HNRNPL: variants seen among roughly 807,000 people sequenced by gnomAD.
The protein encoded by HNRNPL is heterogeneous nuclear ribonucleoprotein L.
In HNRNPL, 12 loss-of-function variants were observed where a neutral mutation model predicts 64.0. That is an observed-to-expected ratio of 0.19 (90% CI 0.12 to 0.30). The LOEUF is 0.30. Among genes scored for constraint, HNRNPL ranks in the 10% least tolerant of loss-of-function variants. The pLI, the probability that HNRNPL is intolerant of heterozygous loss-of-function variation, is 1.00. For synonymous variants in HNRNPL, 385 were observed against 313.0 expected (o/e 1.23, Z -2.43); for missense variants, 484 against 797.4 (o/e 0.61, Z 4.73).
At position 38,837,727 on chromosome 19, in the gene HNRNPL, T is replaced by C. The variant is rs1211079076; in HGVS notation, c.1558-76A>G. ...CACAGGATTCAAGCAGACCAGGCCCTGCATGACTCAGTACTTGAAGTTTTC... is the reference window on the plus strand; with the variant it reads ...CACAGGATTCAAGCAGACCAGGCCCCGCATGACTCAGTACTTGAAGTTTTC... On this transcript the variant is annotated intron_variant, in intron 10 of 12. Transcript: ENST00000221419. 5 of 1,285,966 alleles carry C rather than the reference T, an allele frequency of 3.9e-6. No individual in the cohort carries two copies. The African/African-American group carries it at 7.3e-5, about 19-fold the overall frequency. The allele number at this position is 1,285,966 out of a possible 1,614,324, so 79.7% of individuals were successfully genotyped here.
At chr19:38,843,796 G>A (rs752468189) in intron 6 of HNRNPL, 46 bp downstream of exon 6, 3 of 1,515,576 alleles carry the variant, frequency 2.0e-6, no homozygotes, top group East Asian at 2.2e-5. Flanking sequence ...CTAGTCGAGT[G>A]AAAGCAAGGC....
chr19:38,849,896 T>G lies in HNRNPL; in HGVS notation c.71A>C (p.Glu24Ala). The G allele has an allele frequency of 7.9e-7, 1 of 1,259,580 alleles. No individual in the cohort carries two copies. The allele number at this position is 1,259,580 out of a possible 1,614,324, so 78.0% of individuals were successfully genotyped here. A position where few individuals can be genotyped will look rare whatever the true frequency, so the allele number is the denominator to read the frequency against. The change falls in exon 1 of 13, where the codon GAG (glutamate) becomes GCG (alanine). Residue 24 changes from glutamate to alanine, a missense_variant. By Grantham distance (107) the Glu-to-Ala change is moderately radical. This residue lies in a region of HNRNPL where 190 missense variants were observed against 160.1 expected (regional missense o/e 1.19). Transcript: ENST00000221419. Reference sequence around the variant, plus strand: ...CATCGCTCCCGACCGCCTCCGCTGCTCGTCCGGCTGCTGCCTCTGCTCCAG... The same window carrying G: ...CATCGCTCCCGACCGCCTCCGCTGCGCGTCCGGCTGCTGCCTCTGCTCCAG... Reference protein sequence around the residue: ...RRLEQRQQPDEQRRRSGAMVK... With the variant: ...RRLEQRQQPDAQRRRSGAMVK...
intron 4 of HNRNPL, 96 bp from the exon 5 acceptor site, chr19:38,844,200 C>T (rs1972209067): frequency 7.7e-6 from 6 of 781,424 alleles, no homozygotes; most frequent in Non-Finnish European, 1.3e-5. Flanking sequence ...CACCCCAAGA[C>T]TGTGGTACAG....
At chr19:38,851,538 A>G (rs897903012), upstream of HNRNPL, among the ~76,000 whole-genome samples, 9 of 152,198 alleles carry the variant, frequency 5.9e-5, no homozygotes, top group Admixed American at 5.9e-4. Flanking sequence ...GGACGCCCCA[A>G]AAGTGCTCCA....
intron 9 of HNRNPL, 32 bp from the exon 10 acceptor site, chr19:38,838,630 A>C: frequency 6.3e-7 from 1 of 1,599,342 alleles, no homozygotes; most frequent in Non-Finnish European, 8.6e-7. Context: ...AGCCTTTGTC[A>C]TACCCAAAGT....
At position 38,837,391 on chromosome 19, in the gene HNRNPL, T is replaced by C. The variant is rs952475137; in HGVS notation, c.1704A>G (p.Lys568=). The change falls in exon 12 of 13, where the codon AAA becomes AAG. Residue 568 remains lysine (K), a synonymous_variant. Coordinates refer to ENST00000221419, the MANE Select transcript of HNRNPL (RefSeq NM_001533.3). ...GGACACACAGATACTCACTTGGGTT[T>C]TTCATCTGGTAATGGTTCAGGAAGC... ...TLGFLNHYQM[K]NPNGPYPYTL... 1.3e-5 allele frequency: 21 copies of C among 1,613,654 alleles called. No homozygotes were observed. The highest frequency in any genetic ancestry group is 6.7e-5 in the African/African-American group (5 of 74,934).
chr19:38,847,439 G>A lies in HNRNPL; in HGVS notation c.268-5C>T, dbSNP rs1600068008. ...GTGCGGGTCATCGTAGTTCTCCTGA[G>A]AAAGGAAGCAAAAACAAGAATTATT... On this transcript the variant is annotated splice_polypyrimidine_tract_variant and splice_region_variant and intron_variant, in intron 1 of 12. Coordinates refer to ENST00000221419, the MANE Select transcript of HNRNPL (RefSeq NM_001533.3). The A allele has an allele frequency of 6.8e-7, 1 of 1,480,614 alleles. No homozygotes were observed. Among genetic ancestry groups the A allele is most frequent in the East Asian group, 2.5e-5 (1 of 39,866 alleles). 91.7% of individuals were successfully genotyped at this position (1,480,614 alleles called of 1,614,324 possible).
At position 38,839,026 on chromosome 19, in the gene HNRNPL, G is replaced by A. The variant is rs1972021975; in HGVS notation, c.1234-11C>T. 6.2e-7 allele frequency: 1 copy of A among 1,613,878 alleles called. No individual in the cohort carries two copies. ...TTTCATGAATTTCACCTTGGGGAGA[G>A]TAGCTGCAGTCAGCACCTCTGTCCA... On this transcript the variant is annotated splice_polypyrimidine_tract_variant and intron_variant, in intron 8 of 12. Coordinates refer to ENST00000221419, the MANE Select transcript of HNRNPL (RefSeq NM_001533.3).
rs910181996 is a variant in HNRNPL, at chr19:38,838,793, T to A, written c.1355+101A>T. ...ACACCTGCCACATCCCATTTCTGTG[T>A]GAGTCAACACCTCGGCCTCACTGTG... On this transcript the variant is annotated intron_variant, in intron 9 of 12. Coordinates refer to ENST00000221419, the MANE Select transcript of HNRNPL (RefSeq NM_001533.3). 4.0e-6 allele frequency: 6 copies of A among 1,503,278 alleles called. No individual in the cohort carries two copies. The African/African-American group carries it at 6.9e-5, about 17-fold the overall frequency. The allele number at this position is 1,503,278 out of a possible 1,614,324, so 93.1% of individuals were successfully genotyped here.
upstream of HNRNPL, among the ~76,000 whole-genome samples, chr19:38,850,906 T>A (rs1483191683): frequency 6.6e-6 from 1 of 152,208 alleles, no homozygotes; most frequent in Non-Finnish European, 1.5e-5. Flanking sequence ...GCACTCTCCA[T>A]GTGTGCCCAT....
intron 1 of HNRNPL, 103 bp downstream of exon 1, chr19:38,849,597 T>G: frequency 1.0e-5 from 13 of 1,272,274 alleles, no homozygotes; most frequent in Non-Finnish European, 1.3e-5. Flanking sequence ...CGCGATGGCC[T>G]GGGCGCGTGC....
At chr19:38,850,939 G>C (rs1972488738), upstream of HNRNPL, 1 of 152,246 alleles carries the variant, frequency 6.6e-6, no homozygotes, top group Admixed American at 6.5e-5. Flanking sequence ...ACCTGCAATA[G>C]TCCACTACCC....
At chr19:38,844,771 G>C (rs1448555994) in intron 4 of HNRNPL, 3 of 151,276 alleles carry the variant, frequency 2.0e-5, no homozygotes, top group African/African-American at 7.3e-5. Context: ...GAATACAGTG[G>C]CACAGTCTCG....
chr19:38,839,986 T>C, intron 8 of HNRNPL, 110 bp downstream of exon 8: 1 of 990,424 alleles, frequency 1.0e-6, no homozygotes, highest in Non-Finnish European at 1.6e-6. Context: ...AGTCACTCAT[T>C]GGCGTCTGCC....
At chr19:38,846,196 C>A (rs534556108) in intron 2 of HNRNPL, 106 bp from the exon 3 acceptor site, 3 of 842,580 alleles carry the variant, frequency 3.6e-6, no homozygotes, top group African/African-American at 3.3e-5. Context: ...CTGAACTCCT[C>A]TGCAACCCTA....
Position 38,849,889 on chromosome 19 carries a change from C to T in HNRNPL, c.78G>A (p.Arg26=), listed in dbSNP as rs540766998. 12 of 1,251,614 alleles carry T rather than the reference C, an allele frequency of 9.6e-6. No individual in the cohort carries two copies. Among genetic ancestry groups the T allele is most frequent in the East Asian group, 8.0e-5 (3 of 37,524 alleles). The allele number at this position is 1,251,614 out of a possible 1,614,324, so 77.5% of individuals were successfully genotyped here. A position where few individuals can be genotyped will look rare whatever the true frequency, so the allele number is the denominator to read the frequency against. Residue 26 remains arginine (R), a synonymous_variant, in exon 1 of 13, where the codon CGG becomes CGA. Coordinates refer to ENST00000221419, the MANE Select transcript of HNRNPL (RefSeq NM_001533.3). ...TCTTCACCATCGCTCCCGACCGCCTCCGCTGCTCGTCCGGCTGCTGCCTCT... is the reference window on the plus strand; with the variant it reads ...TCTTCACCATCGCTCCCGACCGCCTTCGCTGCTCGTCCGGCTGCTGCCTCT... ...LEQRQQPDEQ[R]RRSGAMVKMA... is the part of the protein sequence containing the mutation.
At chr19:38,849,460 G>A (rs2145440282) in intron 1 of HNRNPL, 2 of 453,354 alleles carry the variant, frequency 4.4e-6, no homozygotes, top group East Asian at 3.8e-5. Flanking sequence ...TGGGCCATTC[G>A]CCTCACGAGC....
At chr19:38,850,049 G>C (rs966010699), upstream of HNRNPL, 13 of 1,187,740 alleles carry the variant, frequency 1.1e-5, no homozygotes, top group Non-Finnish European at 1.4e-5. Flanking sequence ...GATAGGGGGA[G>C]CCACTGGTCC....
At chr19:38,844,173 T>C (rs763780238) in intron 4 of HNRNPL, 69 bp from the exon 5 acceptor site, 103 of 978,136 alleles carry the variant, frequency 1.1e-4, no homozygotes, top group Non-Finnish European at 1.6e-4. Context: ...CCCCAGAGTG[T>C]GATAAGGACA....
Sources: gnomAD v4.1 joint callset for allele counts (sites outside exome capture counted in the v4.1 genomes callset) on GRCh38, gnomAD v4.1.1 for gene constraint, gnomAD v4.1.1 regional missense constraint, MANE v1.5 for transcripts, NCBI Gene and HGNC (gene_info 2026-07-23, HGNC 2026-07-21) for gene names.